Variants in CYB5R2 observed in about 807,000 individuals in gnomAD.
The protein encoded by CYB5R2 is NADH-cytochrome b5 reductase 2.
A neutral mutation model predicts 29.8 loss-of-function variants in CYB5R2; 35 were observed. The ratio of observed to expected loss-of-function variants is 1.17; its 90% confidence interval spans 0.90 to 1.56. The LOEUF (loss-of-function observed/expected upper bound fraction) is 1.56, where lower values mean the gene tolerates loss of function less well. Ranked by LOEUF, CYB5R2 falls within the 40% of genes most tolerant of loss-of-function variation. The pLI is 0.00. For missense variants in CYB5R2, 419 were observed against 346.7 expected (o/e 1.21, Z -1.66); for synonymous variants, 169 against 130.6 (o/e 1.29, Z -2.01).
chr11:7,667,666 A>C, intron 7 of CYB5R2, 62 bp downstream of exon 7: 2 of 1,464,500 alleles, frequency 1.4e-6, no homozygotes, highest in African/African-American at 2.8e-5. Flanking sequence ...AGGAGAAATG[A>C]AAACAAGAGC....
At chr11:7,668,853 C>T (rs540805645) in intron 5 of CYB5R2, 26 of 576,198 alleles carry the variant, frequency 4.5e-5, no homozygotes, top group East Asian at 1.8e-4. Context: ...TTCTCACTCA[C>T]GGAGGTGAAC....
chr11:7,666,675 A>G (rs1410413376), intron 7 of CYB5R2, 125 bp from the exon 8 acceptor site: 2 of 606,580 alleles, frequency 3.3e-6, no homozygotes, highest in African/African-American at 1.9e-5. Context: ...CTCGCTGCCA[A>G]CTCCCACGGC....
Position 7,672,815 on chromosome 11 carries a change from C to T in CYB5R2, c.11G>A (p.Arg4Lys). The T allele has an allele frequency of 6.2e-7, 1 of 1,614,186 alleles. No homozygotes were observed. Among genetic ancestry groups the T allele is most frequent in the Non-Finnish European group, 8.5e-7 (1 of 1,180,012 alleles). ...CTGTAAGGTGATTGGCTCTCTCCTC[C>T]TGGAGTTCATGCTCTTCAGGACCAA... MNS[R>K]RREPITLQDP... The change falls in exon 2 of 9, where the codon AGG becomes AAG. Residue 4 changes from arginine to lysine, a missense_variant. Transcript: ENST00000299498.
chr11:7,668,396 TC>T, intron 6 of CYB5R2, 81 bp downstream of exon 6: 1 of 1,068,366 alleles, frequency 9.4e-7, no homozygotes, highest in Middle Eastern at 2.1e-4. Flanking sequence ...TCTCATGTTG[TC>T]CCTTAGAGGA....
At chr11:7,669,128 G>A (rs1855555138) in intron 5 of CYB5R2, 77 bp downstream of exon 5, 1 of 1,561,120 alleles carries the variant, frequency 6.4e-7, no homozygotes, top group Non-Finnish European at 8.8e-7. Context: ...TCAAATCTGA[G>A]GAGTGTACGA....
chr11:7,667,947 G>C, intron 6 of CYB5R2, 134 bp from the exon 7 acceptor site: 2 of 710,784 alleles, frequency 2.8e-6, no homozygotes, highest in Non-Finnish European at 4.9e-6. Context: ...ACTCAAAGCA[G>C]GAAACAGCCC....
At chr11:7,673,225 G>A in intron 1 of CYB5R2, 194 bp downstream of exon 1, 1 of 448,402 alleles carries the variant, frequency 2.2e-6, no homozygotes, top group Non-Finnish European at 3.5e-6. Flanking sequence ...GAGGTGAAGG[G>A]GGAGGACATC....
intron 4 of CYB5R2, 83 bp from the exon 5 acceptor site, chr11:7,669,417 G>T: frequency 6.7e-7 from 1 of 1,497,498 alleles, no homozygotes; most frequent in East Asian, 2.3e-5. Flanking sequence ...TTTACTGCTG[G>T]AAGCTTTGCA....
intron 4 of CYB5R2, 65 bp downstream of exon 4, chr11:7,669,560 T>TCCACCCCA: frequency 7.3e-7 from 1 of 1,368,270 alleles, no homozygotes; most frequent in Admixed American, 2.2e-5. Flanking sequence ...GCACTGCCCC[T>TCCACCCCA]CCACCCCACC....
At position 7,668,411 on chromosome 11, in the gene CYB5R2, A is replaced by T. The variant is rs1360369536; in HGVS notation, c.472+67T>A. On this transcript the variant is annotated intron_variant, in intron 6 of 8. Coordinates refer to ENST00000299498, the MANE Select transcript of CYB5R2 (RefSeq NM_016229.5). ...TCTCATGTTGTCCCTTAGAGGATCA[A>T]ATGACTCCCAAGTCAGAATGGGTCT... 5.2e-5 allele frequency: 65 copies of T among 1,248,078 alleles called. No individual in the cohort carries two copies. In the Admixed American group the frequency reaches 7.6e-4, roughly 15 times the overall value. 77.3% of individuals were successfully genotyped at this position (1,248,078 alleles called of 1,614,324 possible).
chr11:7,673,547 G>A (rs868227491), upstream of CYB5R2: 3 of 983,724 alleles, frequency 3.0e-6, no homozygotes, highest in Non-Finnish European at 3.6e-6. Flanking sequence ...CGCCCTTCGC[G>A]GTCCCGCCCA....
Position 7,665,365 on chromosome 11 carries a change from G to C in CYB5R2, c.*9C>G. ...AGGGACATGCAAAATTGCTGAGCAC[G>C]TGGAGGTGTTAGTAGGTGAAAATCA... is the stretch of plus-strand genomic sequence containing the variant. On this transcript the variant is annotated 3_prime_UTR_variant, in exon 9 of 9. Transcript: ENST00000299498. 6.5e-7 allele frequency: 1 copy of C among 1,539,986 alleles called. No homozygotes were observed. Among genetic ancestry groups the C allele is most frequent in the Non-Finnish European group, 8.8e-7 (1 of 1,142,094 alleles).
intron 3 of CYB5R2, 57 bp from the exon 4 acceptor site, chr11:7,669,788 G>A (rs35206429): frequency 0.073 from 91,168 of 1,246,774 alleles, 3,576 homozygotes; most frequent in East Asian, 0.1. Context: ...ATAAGGCCCA[G>A]GAATAAAGGA....
chr11:7,674,257 G>T, upstream of CYB5R2: 2 of 1,289,040 alleles, frequency 1.6e-6, no homozygotes, highest in Non-Finnish European at 2.0e-6. Context: ...CCTGGTCCGG[G>T]GCGGGTGTTT....
intron 2 of CYB5R2, 108 bp from the exon 3 acceptor site, chr11:7,672,631 C>CACACAG: frequency 6.7e-7 from 1 of 1,481,662 alleles, no homozygotes. Context: ...AGCACACACA[C>CACACAG]ACACACACAC....
chr11:7,669,312 G>A lies in CYB5R2; in HGVS notation c.281C>T (p.Pro94Leu), dbSNP rs776521770. 1 of 1,612,896 alleles carries A rather than the reference G, an allele frequency of 6.2e-7. No homozygotes were observed. The highest frequency in any genetic ancestry group is 1.1e-5 in the South Asian group (1 of 90,906). ...IIKIYFKNVHPQYPEGGKMTQ... is the reference protein window; with the variant it reads ...IIKIYFKNVHLQYPEGGKMTQ... The stretch of plus-strand genomic sequence containing the variant: ...CATCTTCCCACCTTCAGGATATTGG[G>A]GGTGTACATTTTTGAAGTAGATCTG... Residue 94 changes from proline to leucine, a missense_variant, in exon 5 of 9, where the codon CCC becomes CTC. Coordinates refer to ENST00000299498, the MANE Select transcript of CYB5R2 (RefSeq NM_016229.5).
intron 3 of CYB5R2, chr11:7,671,683 A>G (rs1372370187): frequency 2.0e-5 from 3 of 152,230 alleles, no homozygotes; most frequent in African/African-American, 7.2e-5. Flanking sequence ...CTGTGCATAT[A>G]AGACAAATAG....
chr11:7,666,064 G>C, intron 8 of CYB5R2: 1 of 706,070 alleles, frequency 1.4e-6, no homozygotes, highest in Non-Finnish European at 2.5e-6. Flanking sequence ...GCATGTCCAG[G>C]TGAGGTGGGC....
intron 1 of CYB5R2, 104 bp downstream of exon 1, chr11:7,673,315 T>C (rs554054853): frequency 1.4e-4 from 137 of 983,308 alleles, no homozygotes; most frequent in Non-Finnish European, 1.7e-4. Context: ...AGGTGCCCCG[T>C]GACTTAGGGC....
Sources: gnomAD v4.1 joint callset for allele counts on GRCh38, gnomAD v4.1.1 for gene constraint, MANE v1.5 for transcripts, NCBI Gene and HGNC (gene_info 2026-07-23, HGNC 2026-07-21) for gene names.